The following RBFOX3 variants were observed in gnomAD, a reference collection of about 807,000 sequenced individuals.
The protein encoded by RBFOX3 is RNA binding fox-1 homolog 3, also known as RNA binding protein fox-1 homolog 3.
In RBFOX3, 17 loss-of-function variants were observed where a neutral mutation model predicts 48.7. That is an observed-to-expected ratio of 0.35 (90% CI 0.24 to 0.52). The LOEUF (loss-of-function observed/expected upper bound fraction) is 0.52, where lower values mean the gene tolerates loss of function less well. Ranked by LOEUF, RBFOX3 falls within the 20% of genes least tolerant of loss-of-function variation. RBFOX3 has a pLI of 0.94. For synonymous variants in RBFOX3, 212 were observed against 209.5 expected (o/e 1.01, Z -0.10); for missense variants, 382 against 497.5 (o/e 0.77, Z 2.21).
intron 1 of RBFOX3, among the ~76,000 whole-genome samples, chr17:79,576,570 A>T (rs1363767573): frequency 6.6e-6 from 1 of 151,702 alleles, no homozygotes; most frequent in East Asian, 2.0e-4. Flanking sequence ...GATGGAGATG[A>T]TGGAGAAGGT....
In RBFOX3 at chr17:79,089,536, C is replaced by G. The variant is rs1273266248; in HGVS notation, c.*1347G>C. On this transcript the variant is annotated 3_prime_UTR_variant, in exon 15 of 15. Transcript: ENST00000693108. The stretch of plus-strand genomic sequence containing the variant: ...CCGGAACAGCAGAGGGGACAGGGGG[C>G]TCTGTACAGAGGACAAAGCCGGAGG... 1 of 152,676 alleles carries G rather than the reference C, an allele frequency of 6.5e-6. No individual in the cohort carries two copies. Among genetic ancestry groups the G allele is most frequent in the Non-Finnish European group, 1.5e-5 (1 of 68,110 alleles). The allele number at this position is 152,676 out of a possible 1,614,324, so 9.5% of individuals were successfully genotyped here.
Position 79,214,562 on chromosome 17 carries a change from G to A in RBFOX3, c.-34+21204C>T, listed in dbSNP as rs992580641. Among the ~76,000 whole-genome samples, 4 of 149,832 alleles carry A rather than the reference G, an allele frequency of 2.7e-5. No homozygotes were observed. Among genetic ancestry groups the A allele is most frequent in the Non-Finnish European group, 3.0e-5 (2 of 67,758 alleles). ...GGCAGGCCAAGTGGGAGGGATGTCTGGGGGGGGTCTCGGAGGAAGCAGGAA... is the reference window on the plus strand; with the variant it reads ...GGCAGGCCAAGTGGGAGGGATGTCTAGGGGGGGTCTCGGAGGAAGCAGGAA... On this transcript the variant is annotated intron_variant, in intron 4 of 14. Coordinates refer to ENST00000693108, the MANE Select transcript of RBFOX3 (RefSeq NM_001350451.2). The surrounding 1 kb of genome is among the most constrained non-coding windows in gnomAD (Gnocchi z 4.7).
intron 2 of RBFOX3, among the ~76,000 whole-genome samples, chr17:79,340,729 AAAAGT>A (rs2081957954): frequency 6.6e-6 from 1 of 152,076 alleles, no homozygotes; most frequent in African/African-American, 2.4e-5. Context: ...AATGAAAAAA[AAAAGT>A]AAGGAAAAGA....
Position 79,390,261 on chromosome 17 carries a change from C to G in RBFOX3, c.-174-82437G>C, listed in dbSNP as rs1006310686. 6.6e-6 allele frequency among the ~76,000 whole-genome samples: 1 copy of G among 152,222 alleles called. No individual in the cohort carries two copies. ...AGAATAACACATCCCTCCGCCCCAT[C>G]ATCCTGCAATCCTTTAGCTGGCAGA... On this transcript the variant is annotated intron_variant, in intron 2 of 14. Coordinates refer to ENST00000693108, the MANE Select transcript of RBFOX3 (RefSeq NM_001350451.2). The surrounding 1 kb of genome is among the most constrained non-coding windows in gnomAD (Gnocchi z 4.2).
rs2075511936 is a variant in RBFOX3, at chr17:79,097,278, G to A, written c.755+14C>T. On this transcript the variant is annotated intron_variant, in intron 11 of 14. Coordinates refer to ENST00000693108, the MANE Select transcript of RBFOX3 (RefSeq NM_001350451.2). ...TACCCCCTCCTCCACGCCTCCCCCGGCCCAGGTACTCACGCTCCGTAAGTC... is the reference window on the plus strand; with the variant it reads ...TACCCCCTCCTCCACGCCTCCCCCGACCCAGGTACTCACGCTCCGTAAGTC... 1 of 1,521,430 alleles carries A rather than the reference G, an allele frequency of 6.6e-7. No individual in the cohort carries two copies. Among genetic ancestry groups the A allele is most frequent in the Non-Finnish European group, 8.9e-7 (1 of 1,129,106 alleles). The allele number at this position is 1,521,430 out of a possible 1,614,324, so 94.2% of individuals were successfully genotyped here.
chr17:79,229,832 G>A (rs1159598472), intron 4 of RBFOX3, among the ~76,000 whole-genome samples: 11 of 152,220 alleles, frequency 7.2e-5, no homozygotes, highest in South Asian at 2.1e-4. Context: ...GTGAATAATC[G>A]ACCCATCCTA....
intron 2 of RBFOX3, among the ~76,000 whole-genome samples, chr17:79,318,769 G>A (rs1398845789): frequency 6.7e-6 from 1 of 148,744 alleles, no homozygotes; most frequent in East Asian, 2.0e-4. Context: ...GCAGGAGAAT[G>A]GTGTGAACCC....
At chr17:79,419,956 G>A (rs903332571) in intron 2 of RBFOX3, among the ~76,000 whole-genome samples, 3 of 152,124 alleles carry the variant, frequency 2.0e-5, no homozygotes, top group African/African-American at 4.8e-5. Flanking sequence ...GTGAAACCTC[G>A]TCTCTACTAA....
chr17:79,519,035 G>A lies in RBFOX3; in HGVS notation c.-319-36437C>T, dbSNP rs961461154. On this transcript the variant is annotated intron_variant, in intron 1 of 14. Transcript: ENST00000693108. ...GGATGCTGTACCCGGGAAGCACCAAGAGAAGCCCGGGGCTGGCAGCTCCCC... is the reference window on the plus strand; with the variant it reads ...GGATGCTGTACCCGGGAAGCACCAAAAGAAGCCCGGGGCTGGCAGCTCCCC... Among the ~76,000 whole-genome samples, 50 of 152,316 alleles carry A rather than the reference G, an allele frequency of 3.3e-4. 1 individual carries two copies. The highest frequency in any genetic ancestry group is 6.8e-3 in the Middle Eastern group (2 of 294).
chr17:79,570,753 T>C (rs1477062225), intron 1 of RBFOX3, among the ~76,000 whole-genome samples: 2 of 152,306 alleles, frequency 1.3e-5, no homozygotes, highest in Middle Eastern at 3.4e-3. Flanking sequence ...GTGCTTTTCA[T>C]GAACTCTCGG....
intron 14 of RBFOX3, among the ~76,000 whole-genome samples, chr17:79,093,249 C>T (rs2146156660): frequency 6.6e-6 from 1 of 152,322 alleles, no homozygotes; most frequent in East Asian, 1.9e-4. Context: ...TGCCTCCAGT[C>T]AGGGAAGGCT....
chr17:79,478,347 G>T (rs2078264430), intron 2 of RBFOX3, among the ~76,000 whole-genome samples: 1 of 152,222 alleles, frequency 6.6e-6, no homozygotes, highest in Non-Finnish European at 1.5e-5. Flanking sequence ...AGTGTAAGCT[G>T]CACTACCACG....
In RBFOX3 at chr17:79,541,704, G is replaced by A. The variant is rs138136771; in HGVS notation, c.-319-59106C>T. ...CAAGTCAGTTCTTCAGGCCCACCCC[G>A]GCTCCTGGCAAGAGACCGCTCACCC... is the stretch of plus-strand genomic sequence containing the variant. On this transcript the variant is annotated intron_variant, in intron 1 of 14. Transcript: ENST00000693108. Among the ~76,000 whole-genome samples, 460 of 152,284 alleles carry A rather than the reference G, an allele frequency of 3.0e-3. 3 individuals carry two copies. Among genetic ancestry groups the A allele is most frequent in the East Asian group, 0.012 (62 of 5,172 alleles).
chr17:79,445,121 A>T (rs1181510323), intron 2 of RBFOX3, among the ~76,000 whole-genome samples: 2 of 152,118 alleles, frequency 1.3e-5, no homozygotes, highest in Non-Finnish European at 2.9e-5. Context: ...CACTGCAGGG[A>T]CAGACTCCAT....
chr17:79,496,573 C>T (rs376978586), intron 1 of RBFOX3, among the ~76,000 whole-genome samples: 1 of 152,208 alleles, frequency 6.6e-6, no homozygotes, highest in East Asian at 1.9e-4. Context: ...GAAAGCTGCC[C>T]AGGCCCTGGC....
chr17:79,414,940 C>A, intron 2 of RBFOX3, among the ~76,000 whole-genome samples: 1 of 152,338 alleles, frequency 6.6e-6, no homozygotes, highest in East Asian at 1.9e-4. Context: ...CAGTCCAGCT[C>A]CCGTTCCCAG....
chr17:79,514,036 A>G (rs922637353), intron 1 of RBFOX3, among the ~76,000 whole-genome samples: 1 of 152,140 alleles, frequency 6.6e-6, no homozygotes, highest in South Asian at 2.1e-4. Context: ...CAGGCACGTG[A>G]CCTCAGCCAG....
chr17:79,579,973 G>T (rs1030344062), intron 1 of RBFOX3, among the ~76,000 whole-genome samples: 5 of 151,498 alleles, frequency 3.3e-5, no homozygotes, highest in Admixed American at 3.3e-4. Flanking sequence ...TCACTGGGTC[G>T]GGGAGTCACT....
rs193049338 is a variant in RBFOX3 at position 79,323,095 on chromosome 17, T to G, written c.-174-15271A>C. On this transcript the variant is annotated intron_variant, in intron 2 of 14. Transcript: ENST00000693108. Reference sequence around the variant, plus strand: ...AAAGCCTTCATTAGGAGGGGGCTCCTGCAAAGCTTTCAGCTTTTCTAAGCC... The same window carrying G: ...AAAGCCTTCATTAGGAGGGGGCTCCGGCAAAGCTTTCAGCTTTTCTAAGCC... 1.9e-4 allele frequency among the ~76,000 whole-genome samples: 29 copies of G among 152,370 alleles called. No individual in the cohort carries two copies. In the East Asian group the frequency reaches 5.0e-3, roughly 26 times the overall value.
Sources: allele counts gnomAD v4.1 joint callset (sites outside exome capture counted in the v4.1 genomes callset), GRCh38; gene constraint gnomAD v4.1.1; non-coding constraint Gnocchi (gnomAD v3.1); transcripts MANE v1.5; gene names NCBI Gene and HGNC (gene_info 2026-07-23, HGNC 2026-07-21).